Variants in FAM135A observed in about 807,000 individuals in gnomAD.
The protein encoded by FAM135A is family with sequence similarity 135 member A.
FAM135A carries 79 observed loss-of-function variants against 146.8 expected under a neutral mutation model. The ratio of observed to expected loss-of-function variants is 0.54; its 90% confidence interval spans 0.45 to 0.65. The LOEUF (loss-of-function observed/expected upper bound fraction) is 0.65. Ranked by LOEUF, FAM135A falls within the 30% of genes least tolerant of loss-of-function variation. The pLI is 0.00. For synonymous variants in FAM135A, 562 were observed against 603.6 expected (o/e 0.93, Z 1.01); for missense variants, 1,623 against 1,758.2 (o/e 0.92, Z 1.38).
intron 11 of FAM135A, among the ~76,000 whole-genome samples, chr6:70,502,160 A>T (rs1788701528): frequency 1.3e-5 from 2 of 152,244 alleles, no homozygotes. Flanking sequence ...AGAGAAAAGG[A>T]CTATTTCAGA....
intron 12 of FAM135A, among the ~76,000 whole-genome samples, chr6:70,516,184 G>C (rs1290989034): frequency 6.6e-6 from 1 of 152,110 alleles, no homozygotes; most frequent in African/African-American, 2.4e-5. Flanking sequence ...TTCAGCCCCG[G>C]CTGTACATTT....
At chr6:70,420,081 A>G (rs1228552474) in intron 2 of FAM135A, among the ~76,000 whole-genome samples, 2 of 152,166 alleles carry the variant, frequency 1.3e-5, no homozygotes, top group Non-Finnish European at 2.9e-5. Context: ...ATGGATGCTA[A>G]CTTGGAAGTA....
chr6:70,549,396 A>G (rs1270119170), intron 20 of FAM135A, among the ~76,000 whole-genome samples: 1 of 152,168 alleles, frequency 6.6e-6, no homozygotes, highest in Non-Finnish European at 1.5e-5. Context: ...TATAAATACT[A>G]TAATCTCAGT....
At chr6:70,436,903 C>G (rs1773295978) in intron 4 of FAM135A, among the ~76,000 whole-genome samples, 1 of 151,734 alleles carries the variant, frequency 6.6e-6, no homozygotes, top group African/African-American at 2.4e-5. Flanking sequence ...CTACCGAAAA[C>G]CAAAAAAGAT....
intron 10 of FAM135A, among the ~76,000 whole-genome samples, chr6:70,485,727 T>A (rs940823247): frequency 5.9e-5 from 9 of 152,210 alleles, no homozygotes; most frequent in African/African-American, 2.2e-4. Context: ...TTTTTGCCTT[T>A]CTCTTTTCTC....
chr6:70,515,638 G>A (rs1178040199), intron 12 of FAM135A, among the ~76,000 whole-genome samples: 1 of 152,110 alleles, frequency 6.6e-6, no homozygotes, highest in East Asian at 1.9e-4. Context: ...GAGCACAGGG[G>A]ATTTGGGGGG....
At chr6:70,511,449 A>G (rs1348016329) in intron 12 of FAM135A, among the ~76,000 whole-genome samples, 2 of 151,954 alleles carry the variant, frequency 1.3e-5, no homozygotes, top group Non-Finnish European at 2.9e-5. Flanking sequence ...TGGAATACTT[A>G]TTACATGCAA....
rs142133196 is a variant in FAM135A at position 70,444,046 on chromosome 6, G to T, written c.78-8446G>T. Among the ~76,000 whole-genome samples the T allele has an allele frequency of 3.0e-3, 458 of 152,210 alleles. 3 individuals are homozygous for T. The highest frequency in any genetic ancestry group is 0.011 in the African/African-American group (437 of 41,534). On this transcript the variant is annotated intron_variant, in intron 4 of 21. Coordinates refer to ENST00000418814, the MANE Select transcript of FAM135A (RefSeq NM_001162529.3). The stretch of plus-strand genomic sequence containing the variant: ...CTCTTAAAATGGAAGTGTTTTCTTT[G>T]ATTTTTGAATTTTTTTATCGCTTAC...
At chr6:70,509,722 T>C (rs945196053) in intron 12 of FAM135A, among the ~76,000 whole-genome samples, 2 of 152,152 alleles carry the variant, frequency 1.3e-5, no homozygotes, top group South Asian at 4.1e-4. Flanking sequence ...AAAAGAAATA[T>C]TGAGGTTCTA....
At chr6:70,488,404 A>G (rs949548130) in intron 10 of FAM135A, among the ~76,000 whole-genome samples, 1 of 152,008 alleles carries the variant, frequency 6.6e-6, no homozygotes, top group Non-Finnish European at 1.5e-5. Flanking sequence ...GTATATGTAT[A>G]TTTGAAAAAT....
rs1233504722 is a variant in FAM135A, at chr6:70,492,290, T to C, written c.873+1207T>C. ...TATTAACATCAGGGTCTATAAATAT[T>C]GTGGTAAAGTTAACGTCATGCCATG... On this transcript the variant is annotated intron_variant, in intron 11 of 21. Transcript: ENST00000418814. Among the ~76,000 whole-genome samples the C allele has an allele frequency of 4.6e-5, 7 of 151,884 alleles. No individual in the cohort carries two copies. In the South Asian group the frequency reaches 1.2e-3, roughly 27 times the overall value.
chr6:70,532,401 T>G (rs1212048503), intron 16 of FAM135A, among the ~76,000 whole-genome samples: 2 of 152,172 alleles, frequency 1.3e-5, no homozygotes, highest in Non-Finnish European at 2.9e-5. Context: ...TAAAATAAAC[T>G]TTCTTAGATA....
At chr6:70,473,035 T>C (rs1781921136) in intron 5 of FAM135A, among the ~76,000 whole-genome samples, 1 of 152,242 alleles carries the variant, frequency 6.6e-6, no homozygotes, top group Admixed American at 6.5e-5. Context: ...GATTTTTTCA[T>C]TCACTTATTT....
At chr6:70,449,267 ATCTAT>A (rs1452937567) in intron 4 of FAM135A, among the ~76,000 whole-genome samples, 2 of 152,246 alleles carry the variant, frequency 1.3e-5, no homozygotes, top group Non-Finnish European at 2.9e-5. Context: ...AACATTTTAA[ATCTAT>A]TCTTTTAGGA....
intron 12 of FAM135A, among the ~76,000 whole-genome samples, chr6:70,506,218 G>A (rs1044114190): frequency 6.6e-6 from 1 of 152,038 alleles, no homozygotes; most frequent in Admixed American, 6.6e-5. Context: ...TGGAAATTTA[G>A]GACTCTGACA....
intron 12 of FAM135A, among the ~76,000 whole-genome samples, chr6:70,512,262 T>C (rs1023670496): frequency 1.3e-5 from 2 of 151,912 alleles, no homozygotes; most frequent in African/African-American, 4.8e-5. Flanking sequence ...TTTTATGGTA[T>C]CGTATATCAG....
chr6:70,507,735 A>G (rs1258774728), intron 12 of FAM135A, among the ~76,000 whole-genome samples: 7 of 152,134 alleles, frequency 4.6e-5, no homozygotes, highest in Non-Finnish European at 1.0e-4. Context: ...CATCATAGAG[A>G]CTATTGTGTG....
At chr6:70,488,217 C>T (rs1188567246) in intron 10 of FAM135A, among the ~76,000 whole-genome samples, 1 of 151,926 alleles carries the variant, frequency 6.6e-6, no homozygotes, top group Non-Finnish European at 1.5e-5. Context: ...GAGTGGAATA[C>T]AGAATATATC....
intron 4 of FAM135A, among the ~76,000 whole-genome samples, chr6:70,450,713 G>GTTTTTTGTTTTTTTT (rs1192559967): frequency 3.4e-5 from 1 of 29,780 alleles, no homozygotes. Flanking sequence ...GACCCTTTTA[G>GTTTTTTGTTTTTTTT]TTGTTTTTTT....
Sources: allele counts gnomAD v4.1 joint callset (sites outside exome capture counted in the v4.1 genomes callset), GRCh38; gene constraint gnomAD v4.1.1; transcripts MANE v1.5; gene names NCBI Gene and HGNC (gene_info 2026-07-23, HGNC 2026-07-21).